Variants in AHI1 observed in about 807,000 individuals in gnomAD.
AHI1 encodes the protein Abelson helper integration site 1.
In AHI1, 123 loss-of-function variants were observed where a neutral mutation model predicts 149.3. The ratio of observed to expected loss-of-function variants is 0.82; its 90% CI spans 0.71 to 0.96. The LOEUF is 0.96. Among genes scored for constraint, AHI1 ranks in the 40% least tolerant of loss-of-function variants. AHI1 has a pLI of 0.00. For missense variants in AHI1, 1,439 were observed against 1,422.7 expected, an observed-to-expected ratio of 1.01 and a Z score of -0.18; for synonymous variants, 475 against 459.8, an observed-to-expected ratio of 1.03 and a Z score of -0.42.
intron 20 of AHI1, among the ~76,000 whole-genome samples, chr6:135,414,972 C>T (rs948985199): frequency 1.8e-5 from 2 of 112,662 alleles, no homozygotes; most frequent in African/African-American, 6.7e-5. Context: ...CCTCCCCCCA[C>T]CCCACAACAG....
rs768802574 is a variant in AHI1, at chr6:135,431,160, T to C, written c.2373+48A>G. On this transcript the variant is annotated intron_variant, in intron 17 of 28. Coordinates refer to ENST00000265602, the MANE Select transcript of AHI1 (RefSeq NM_001134831.2). ...ATCTTAAAGTCATGTGATTGGATTT[T>C]TCCAACTTCTTTAATTAAATCCCAA... is the stretch of plus-strand genomic sequence containing the variant. The C allele has an allele frequency of 4.7e-6, 6 of 1,285,294 alleles. No individual in the cohort carries two copies. The Admixed American group carries it at 6.3e-5, about 13-fold the overall frequency. The allele number at this position is 1,285,294 out of a possible 1,614,324, so 79.6% of individuals were successfully genotyped here.
intron 24 of AHI1, among the ~76,000 whole-genome samples, chr6:135,349,394 C>T (rs944873768): frequency 3.9e-5 from 6 of 152,200 alleles, no homozygotes; most frequent in East Asian, 1.9e-4. Context: ...CCCTCTTTCA[C>T]GCTATATACT....
Position 135,300,430 on chromosome 6 carries a change from T to C in AHI1, c.3485+70A>G, listed in dbSNP as rs1783720674. ...TTGATAATGTTATAAAAATAAGAAA[T>C]GGAGAAATTATCCTTAAAAGAAAAC... On this transcript the variant is annotated intron_variant, in intron 27 of 28. Transcript: ENST00000265602. 6 of 1,381,648 alleles carry C rather than the reference T, an allele frequency of 4.3e-6. No individual in the cohort carries two copies. The South Asian group carries it at 7.7e-5, about 18-fold the overall frequency. 85.6% of individuals were successfully genotyped at this position (1,381,648 alleles called of 1,614,324 possible).
chr6:135,328,537 T>C (rs959376449), intron 24 of AHI1, among the ~76,000 whole-genome samples: 10 of 152,134 alleles, frequency 6.6e-5, no homozygotes, highest in Admixed American at 2.0e-4. Context: ...ATGTTGTGTA[T>C]GTTTTGATTG....
chr6:135,385,586 G>T, intron 23 of AHI1, among the ~76,000 whole-genome samples: 1 of 152,306 alleles, frequency 6.6e-6, no homozygotes, highest in Middle Eastern at 3.4e-3. Context: ...AAAACGATTA[G>T]AAACATCTGT....
intron 24 of AHI1, among the ~76,000 whole-genome samples, chr6:135,349,749 G>A (rs1791787738): frequency 6.6e-6 from 1 of 152,152 alleles, no homozygotes. Context: ...TATTGTCTTT[G>A]AGCAATAAGA....
intron 26 of AHI1, among the ~76,000 whole-genome samples, chr6:135,312,389 C>T (rs990366117): frequency 6.6e-6 from 1 of 152,090 alleles, no homozygotes; most frequent in Non-Finnish European, 1.5e-5. Context: ...TGGTGCACGC[C>T]TGTAATCTCA....
intron 24 of AHI1, among the ~76,000 whole-genome samples, chr6:135,347,553 G>A (rs1582732368): frequency 6.6e-6 from 1 of 152,080 alleles, no homozygotes; most frequent in African/African-American, 2.4e-5. Flanking sequence ...TTTGGCAAAC[G>A]GTGATGATAA....
At chr6:135,479,526 G>C (rs1344799687) in intron 5 of AHI1, among the ~76,000 whole-genome samples, 1 of 152,190 alleles carries the variant, frequency 6.6e-6, no homozygotes, top group Non-Finnish European at 1.5e-5. Flanking sequence ...TCTCACTTTT[G>C]GAATGGGATC....
intron 5 of AHI1, among the ~76,000 whole-genome samples, chr6:135,481,976 CTT>C (rs1187896087): frequency 6.6e-6 from 1 of 151,524 alleles, no homozygotes; most frequent in Non-Finnish European, 1.5e-5. Flanking sequence ...TATAAAATGT[CTT>C]TATTTTCTCT....
At chr6:135,290,359 C>T in intron 28 of AHI1, 64 bp downstream of exon 28, 1 of 987,028 alleles carries the variant, frequency 1.0e-6, no homozygotes, top group South Asian at 1.3e-5. Flanking sequence ...CCTTGCTGAC[C>T]ATGCTTTCCT....
chr6:135,375,301 G>A lies in AHI1; in HGVS notation c.3110-17114C>T, dbSNP rs573533777. 1.2e-4 allele frequency among the ~76,000 whole-genome samples: 18 copies of A among 151,812 alleles called. No individual in the cohort carries two copies. The South Asian group carries it at 3.1e-3, about 26-fold the overall frequency. On this transcript the variant is annotated intron_variant, in intron 23 of 28. Transcript: ENST00000265602. ...TGTAAGAATACCTTAAAAAAATCCCGAGGGGAAAAAAACGAGCAACCACTG... is the reference window on the plus strand; with the variant it reads ...TGTAAGAATACCTTAAAAAAATCCCAAGGGGAAAAAAACGAGCAACCACTG...
Position 135,470,274 on chromosome 6 carries a change from C to T in AHI1, c.136-2640G>A, listed in dbSNP as rs146744762. 4.8e-4 allele frequency among the ~76,000 whole-genome samples: 73 copies of T among 152,282 alleles called. No homozygotes were observed. The East Asian group carries it at 0.014, about 28-fold the overall frequency. On this transcript the variant is annotated intron_variant, in intron 5 of 28. Coordinates refer to ENST00000265602, the MANE Select transcript of AHI1 (RefSeq NM_001134831.2). ...TCAAAACCACAATGAGATACCATCT[C>T]ACACCAGTCAGAATGGCAATTATTA...
intron 24 of AHI1, among the ~76,000 whole-genome samples, chr6:135,336,101 G>A (rs1179611121): frequency 8.2e-6 from 1 of 122,654 alleles, no homozygotes; most frequent in East Asian, 2.5e-4. Flanking sequence ...TGACTAGAGC[G>A]AAACTCCGTC....
At chr6:135,305,067 A>C (rs777095380) in intron 26 of AHI1, 8 of 152,218 alleles carry the variant, frequency 5.3e-5, no homozygotes, top group Non-Finnish European at 8.8e-5. Flanking sequence ...AAAAGGTGCA[A>C]TGAAGACTGA....
chr6:135,489,714 T>G (rs1794974556), intron 5 of AHI1, among the ~76,000 whole-genome samples: 1 of 152,116 alleles, frequency 6.6e-6, no homozygotes, highest in Non-Finnish European at 1.5e-5. Context: ...CTATGAACCC[T>G]CACATATGTG....
Position 135,459,308 on chromosome 6 carries a change from T to G in AHI1, c.932-1595A>C, listed in dbSNP as rs1480529837. On this transcript the variant is annotated intron_variant, in intron 8 of 28. Transcript: ENST00000265602. Reference sequence around the variant, plus strand: ...TTAAAATGGAAATTAGAAAATATTTTGTGTTAAATAATAAAAACACACAAT... The same window carrying G: ...TTAAAATGGAAATTAGAAAATATTTGGTGTTAAATAATAAAAACACACAAT... Among the ~76,000 whole-genome samples the G allele has an allele frequency of 2.0e-5, 3 of 152,316 alleles. No homozygotes were observed. In the East Asian group the frequency reaches 5.8e-4, roughly 29 times the overall value.
Position 135,455,779 on chromosome 6 carries a change from C to G in AHI1, c.1299G>C (p.Leu433Phe). 6.2e-7 allele frequency: 1 copy of G among 1,603,666 alleles called. No homozygotes were observed. The highest frequency in any genetic ancestry group is 1.3e-5 in the African/African-American group (1 of 74,850). Residue 433 changes from leucine to phenylalanine, a missense_variant, in exon 10 of 29, where the codon TTG becomes TTC. By Grantham distance (22) the Leu-to-Phe change is conservative. Coordinates refer to ENST00000265602, the MANE Select transcript of AHI1 (RefSeq NM_001134831.2). ...QIVFNENFPYLLRGSDESPKV... is the reference protein window; with the variant it reads ...QIVFNENFPYFLRGSDESPKV... Reference sequence around the variant, plus strand: ...TAGGACTCTCATCAGAGCCTCGAAGCAAATAGGGAAAATTTTCATTAAATA... The same window carrying G: ...TAGGACTCTCATCAGAGCCTCGAAGGAAATAGGGAAAATTTTCATTAAATA...
chr6:135,408,760 C>T (rs1240230410), intron 21 of AHI1, among the ~76,000 whole-genome samples: 1 of 152,130 alleles, frequency 6.6e-6, no homozygotes, highest in Non-Finnish European at 1.5e-5. Context: ...CAAGGGTGCA[C>T]AGCCCCTGTC....
Sources: gnomAD v4.1 joint callset for allele counts (sites outside exome capture counted in the v4.1 genomes callset) on GRCh38, gnomAD v4.1.1 for gene constraint, MANE v1.5 for transcripts, NCBI Gene and HGNC (gene_info 2026-07-23, HGNC 2026-07-21) for gene names.